Variants in ZFHX3 observed in about 807,000 individuals in gnomAD.
ZFHX3 encodes zinc finger homeobox 3.
Under a neutral mutation model 279.1 loss-of-function variants are expected in ZFHX3, and 42 were observed. The ratio of observed to expected loss-of-function variants is 0.15; its 90% CI spans 0.12 to 0.19. The LOEUF (loss-of-function observed/expected upper bound fraction) is 0.19. Ranked by LOEUF, ZFHX3 falls within the 10% of genes least tolerant of loss-of-function variation. The pLI is 1.00. For missense variants in ZFHX3, 4,981 were observed against 4,754.0 expected, an observed-to-expected ratio of 1.05 and a Z score of -1.40; for synonymous variants, 2,293 against 1,957.8, an observed-to-expected ratio of 1.17 and a Z score of -4.52.
intron 4 of ZFHX3, among the ~76,000 whole-genome samples, chr16:73,315,549 A>G (rs912784530): frequency 3.9e-5 from 6 of 152,188 alleles, no homozygotes; most frequent in Non-Finnish European, 8.8e-5. Context: ...TTTCCAAACA[A>G]AAAGACAACA....
At chr16:72,855,852 A>G (rs1485560002) in intron 4 of ZFHX3, among the ~76,000 whole-genome samples, 1 of 152,184 alleles carries the variant, frequency 6.6e-6, no homozygotes. Context: ...GGACTGACAA[A>G]AGGGATTGTG....
intron 1 of ZFHX3, among the ~76,000 whole-genome samples, chr16:73,691,895 A>C (rs1221253867): frequency 6.6e-6 from 1 of 152,222 alleles, no homozygotes; most frequent in Non-Finnish European, 1.5e-5. Flanking sequence ...CTCTATGCGA[A>C]AGATCTGAAG....
intron 4 of ZFHX3, among the ~76,000 whole-genome samples, chr16:72,878,246 T>C (rs1012500046): frequency 1.3e-5 from 2 of 152,136 alleles, no homozygotes; most frequent in African/African-American, 4.8e-5. Context: ...CCAGCTGACA[T>C]CTACTACAAA....
chr16:73,502,038 T>G (rs1019943541), intron 2 of ZFHX3, among the ~76,000 whole-genome samples: 14 of 152,080 alleles, frequency 9.2e-5, no homozygotes, highest in African/African-American at 3.4e-4. Flanking sequence ...TTTTTTCTGT[T>G]TCTCTCCACC....
intron 7 of ZFHX3, among the ~76,000 whole-genome samples, chr16:73,109,668 G>A (rs1249085520): frequency 6.6e-6 from 1 of 152,132 alleles, no homozygotes; most frequent in Non-Finnish European, 1.5e-5. Context: ...GGTCAACAGG[G>A]TGAAAGCCCA....
intron 2 of ZFHX3, among the ~76,000 whole-genome samples, chr16:73,563,170 T>TTGTGTGTGTG (rs200933190): frequency 1.3e-4 from 17 of 134,926 alleles, no homozygotes; most frequent in African/African-American, 3.5e-4. Flanking sequence ...TTTTGTTTTG[T>TTGTGTGTGTG]TGTGTGTGTG....
Position 72,797,991 on chromosome 16 carries a change from T to C in ZFHX3, c.4691A>G (p.Tyr1564Cys). 1 of 1,614,232 alleles carries C rather than the reference T, an allele frequency of 6.2e-7. No homozygotes were observed. Among genetic ancestry groups the C allele is most frequent in the African/African-American group, 1.3e-5 (1 of 75,058 alleles). Residue 1564 changes from tyrosine (Y) to cysteine (C), a missense_variant, in exon 9 of 10, where the codon TAC becomes TGC. By Grantham distance (194) the Tyr-to-Cys change is radical. Transcript: ENST00000268489. ...FTQKNILLVH[Y>C]NSVSHLHKLK... is the part of the protein sequence containing the mutation. ...CTTATGCAGGTGGGAGACAGAATTG[T>C]AGTGTACTAGCAGGATATTCTTTTG...
intron 1 of ZFHX3, among the ~76,000 whole-genome samples, chr16:73,765,590 G>C (rs569545278): frequency 6.6e-6 from 1 of 152,276 alleles, no homozygotes; most frequent in Admixed American, 6.5e-5. Context: ...TGGGACTTGA[G>C]TCAGTTACAT....
intron 9 of ZFHX3, chr16:72,789,663 C>G (rs1040472928): frequency 6.6e-6 from 1 of 152,266 alleles, no homozygotes; most frequent in African/African-American, 2.4e-5. Context: ...GGAGGAAGGG[C>G]CTGGGAAGAA....
intron 4 of ZFHX3, among the ~76,000 whole-genome samples, chr16:72,863,921 C>G (rs570331416): frequency 1.3e-5 from 2 of 152,218 alleles, no homozygotes; most frequent in South Asian, 4.1e-4. Context: ...TCGAGACCAT[C>G]CTGGCTAACA....
chr16:73,563,120 G>C (rs2020395660), intron 2 of ZFHX3, among the ~76,000 whole-genome samples: 1 of 151,808 alleles, frequency 6.6e-6, no homozygotes, highest in Admixed American at 6.6e-5. Flanking sequence ...GGTGCTAAAG[G>C]AGGTGGGCAG....
intron 3 of ZFHX3, among the ~76,000 whole-genome samples, chr16:72,895,570 T>G (rs940160095): frequency 9.9e-5 from 15 of 152,220 alleles, no homozygotes; most frequent in Admixed American, 8.5e-4. Flanking sequence ...ACGCCTGTAA[T>G]CCCAACACTG....
At chr16:73,821,059 C>T (rs921748807) in intron 1 of ZFHX3, among the ~76,000 whole-genome samples, 2 of 152,138 alleles carry the variant, frequency 1.3e-5, no homozygotes, top group African/African-American at 2.4e-5. Flanking sequence ...GCCAAGGCAA[C>T]ACAGTCAGGG....
At chr16:73,674,101 G>A (rs1360341886) in intron 2 of ZFHX3, among the ~76,000 whole-genome samples, 1 of 152,188 alleles carries the variant, frequency 6.6e-6, no homozygotes, top group African/African-American at 2.4e-5. Flanking sequence ...GAAGGAAGGG[G>A]CCAAATCTTG....
At chr16:73,871,801 G>A (rs1248015494) in intron 1 of ZFHX3, among the ~76,000 whole-genome samples, 7 of 152,072 alleles carry the variant, frequency 4.6e-5, no homozygotes, top group Admixed American at 4.6e-4. Context: ...ACCATAGTTA[G>A]ACTTGCTAAC....
At chr16:73,413,934 A>C (rs970982544) in intron 3 of ZFHX3, among the ~76,000 whole-genome samples, 1 of 152,238 alleles carries the variant, frequency 6.6e-6, no homozygotes. Context: ...TAAGAAAACA[A>C]AGATTCAATA....
intron 5 of ZFHX3, among the ~76,000 whole-genome samples, chr16:73,180,099 T>C (rs959258991): frequency 6.6e-6 from 1 of 152,190 alleles, no homozygotes. Context: ...ATAAACAGAT[T>C]GAAGAACAAA....
At chr16:73,858,099 A>G (rs1370880532) in intron 1 of ZFHX3, among the ~76,000 whole-genome samples, 1 of 151,882 alleles carries the variant, frequency 6.6e-6, no homozygotes, top group Non-Finnish European at 1.5e-5. Context: ...CTGTCTCAAA[A>G]AAAAAAAAAG....
intron 8 of ZFHX3, among the ~76,000 whole-genome samples, chr16:73,074,724 C>A (rs1378528758): frequency 6.6e-6 from 1 of 151,732 alleles, no homozygotes; most frequent in East Asian, 1.9e-4. Context: ...GAGGGAGGAT[C>A]AGATCGCATT....
Sources: allele counts gnomAD v4.1 joint callset (sites outside exome capture counted in the v4.1 genomes callset), GRCh38; gene constraint gnomAD v4.1.1; transcripts MANE v1.5; gene names NCBI Gene and HGNC (gene_info 2026-07-23, HGNC 2026-07-21).